The following HLCS variants were observed in gnomAD, a reference collection of about 807,000 sequenced individuals.
The protein encoded by HLCS is holocarboxylase synthetase.
A neutral mutation model predicts 75.0 loss-of-function variants in HLCS; 53 were observed. The ratio of observed to expected loss-of-function variants is 0.71; its 90% CI spans 0.57 to 0.89. HLCS has a LOEUF of 0.89. Among genes scored for constraint, HLCS ranks in the 40% least tolerant of loss-of-function variants. The pLI is 0.00. For synonymous variants in HLCS, 431 were observed against 428.6 expected, an observed-to-expected ratio of 1.01 and a Z score of -0.07; for missense variants, 966 against 1,074.0, an observed-to-expected ratio of 0.90 and a Z score of 1.41.
At chr21:36,843,276 A>G (rs2062677582) in intron 6 of HLCS, among the ~76,000 whole-genome samples, 1 of 152,022 alleles carries the variant, frequency 6.6e-6, no homozygotes, top group African/African-American at 2.4e-5. Context: ...CTGTCTCCAC[A>G]AAAAATAAAA....
chr21:36,957,954 G>A (rs1601878142), intron 2 of HLCS, among the ~76,000 whole-genome samples: 1 of 150,072 alleles, frequency 6.7e-6, no homozygotes, highest in Non-Finnish European at 1.5e-5. Context: ...GAGGCCGGGC[G>A]CGGTGGCTCA....
chr21:36,794,816 T>G (rs981421829), intron 6 of HLCS, among the ~76,000 whole-genome samples: 1 of 152,014 alleles, frequency 6.6e-6, no homozygotes, highest in Non-Finnish European at 1.5e-5. Flanking sequence ...GAAAGGAAGA[T>G]GGAGTCAAGG....
Position 36,842,162 on chromosome 21 carries a change from T to C in HLCS, c.1892+54698A>G, listed in dbSNP as rs1281872302. ...TATGGCAATGAGAATGAACAAACTA[T>C]AGCAACAACACAGATGACAAGTCAG... On this transcript the variant is annotated intron_variant, in intron 6 of 10. Coordinates refer to ENST00000674895, the MANE Select transcript of HLCS (RefSeq NM_001352514.2). The surrounding 1 kb of genome is among the most constrained non-coding windows in gnomAD (Gnocchi z 4.2). Among the ~76,000 whole-genome samples the C allele has an allele frequency of 2.6e-5, 4 of 152,146 alleles. No homozygotes were observed. The highest frequency in any genetic ancestry group is 9.7e-5 in the African/African-American group (4 of 41,426).
intron 1 of HLCS, among the ~76,000 whole-genome samples, chr21:36,976,480 A>T (rs2068942172): frequency 6.6e-6 from 1 of 152,136 alleles, no homozygotes; most frequent in Admixed American, 6.5e-5. Context: ...GCTACTCGGG[A>T]GGCTGAGGCA....
At chr21:36,892,790 T>C (rs1400193129) in intron 6 of HLCS, among the ~76,000 whole-genome samples, 2 of 152,224 alleles carry the variant, frequency 1.3e-5, no homozygotes, top group Non-Finnish European at 2.9e-5. Flanking sequence ...GTAAATCATA[T>C]GATCAAGATC....
At chr21:36,949,317 G>A (rs959116485) in intron 2 of HLCS, among the ~76,000 whole-genome samples, 1 of 152,242 alleles carries the variant, frequency 6.6e-6, no homozygotes, top group Non-Finnish European at 1.5e-5. Flanking sequence ...CTACTTTCAA[G>A]ATGCCTCTGT....
chr21:36,872,880 T>C (rs1263276631), intron 6 of HLCS, among the ~76,000 whole-genome samples: 1 of 152,182 alleles, frequency 6.6e-6, no homozygotes, highest in Non-Finnish European at 1.5e-5. Context: ...ATGTGTGCTT[T>C]TATTTAAAAA....
chr21:36,880,996 A>G (rs2064188476), intron 6 of HLCS, among the ~76,000 whole-genome samples: 1 of 151,566 alleles, frequency 6.6e-6, no homozygotes, highest in African/African-American at 2.4e-5. Context: ...GTTTTGAGAT[A>G]GAGTCTCACT....
chr21:36,893,813 C>T (rs1173064369), intron 6 of HLCS, among the ~76,000 whole-genome samples: 4 of 152,160 alleles, frequency 2.6e-5, no homozygotes, highest in African/African-American at 7.2e-5. Context: ...GCCCGGGGGT[C>T]GGGGATCCCT....
In HLCS at chr21:36,749,947, G is replaced by A. The variant is rs1333579451; in HGVS notation, c.*4299C>T. 3.3e-5 allele frequency: 5 copies of A among 152,226 alleles called. No homozygotes were observed. The highest frequency in any genetic ancestry group is 5.9e-5 in the Non-Finnish European group (4 of 68,034). The allele number at this position is 152,226 out of a possible 1,614,324, so 9.4% of individuals were successfully genotyped here. On this transcript the variant is annotated 3_prime_UTR_variant, in exon 11 of 11. Coordinates refer to ENST00000674895, the MANE Select transcript of HLCS (RefSeq NM_001352514.2). The stretch of plus-strand genomic sequence containing the variant: ...AACGTGGACAGGCGTAACAGAGTGT[G>A]TATGTACTTGAAAATGTGTACTAGT...
intron 5 of HLCS, among the ~76,000 whole-genome samples, chr21:36,899,089 T>A (rs80192854): frequency 8.1e-4 from 124 of 152,166 alleles, no homozygotes; most frequent in Non-Finnish European, 1.6e-3. Context: ...TGTGGTGACA[T>A]AGGAAAAGTC....
At chr21:36,971,496 G>T (rs1053481165), upstream of HLCS, among the ~76,000 whole-genome samples, 8 of 152,150 alleles carry the variant, frequency 5.3e-5, no homozygotes, top group African/African-American at 1.9e-4. Context: ...GACGATTTGA[G>T]TATCAAATTG....
chr21:36,775,553 C>G (rs1196649566), intron 6 of HLCS, among the ~76,000 whole-genome samples: 1 of 152,250 alleles, frequency 6.6e-6, no homozygotes, highest in African/African-American at 2.4e-5. Context: ...GATGGCAGAT[C>G]CCTGCCTCTG....
intron 2 of HLCS, among the ~76,000 whole-genome samples, chr21:36,945,209 G>A (rs914626008): frequency 4.0e-5 from 6 of 150,132 alleles, no homozygotes; most frequent in African/African-American, 1.5e-4. Context: ...GTGACTACAG[G>A]TTTTTTTTTG....
chr21:36,755,023 T>C (rs944850895), intron 10 of HLCS, among the ~76,000 whole-genome samples: 2 of 152,186 alleles, frequency 1.3e-5, no homozygotes, highest in Admixed American at 1.3e-4. Context: ...TCACACCAAA[T>C]GAAAATATTT....
intron 6 of HLCS, among the ~76,000 whole-genome samples, chr21:36,802,173 C>A (rs1238489742): frequency 6.6e-6 from 1 of 152,166 alleles, no homozygotes; most frequent in African/African-American, 2.4e-5. Flanking sequence ...CTCCTCCAAG[C>A]AGTGACTGAG....
At chr21:36,848,272 T>TG (rs1457114078) in intron 6 of HLCS, among the ~76,000 whole-genome samples, 52 of 65,024 alleles carry the variant, frequency 8.0e-4, no homozygotes, top group African/African-American at 4.7e-3. Flanking sequence ...ATAATTGTTG[T>TG]TTTTTTTTTT....
intron 6 of HLCS, among the ~76,000 whole-genome samples, chr21:36,878,334 C>T (rs2064066441): frequency 6.6e-6 from 1 of 152,112 alleles, no homozygotes; most frequent in South Asian, 2.1e-4. Flanking sequence ...GATAAAATTA[C>T]ATTCTCTGTG....
intron 8 of HLCS, among the ~76,000 whole-genome samples, chr21:36,762,179 A>G (rs1467598763): frequency 1.3e-5 from 2 of 152,240 alleles, no homozygotes; most frequent in Non-Finnish European, 2.9e-5. Context: ...GAACAGGTGC[A>G]CACATCACTC....
Sources: gnomAD v4.1 joint callset for allele counts (sites outside exome capture counted in the v4.1 genomes callset) on GRCh38, gnomAD v4.1.1 for gene constraint, Gnocchi (gnomAD v3.1) non-coding constraint, MANE v1.5 for transcripts, NCBI Gene and HGNC (gene_info 2026-07-23, HGNC 2026-07-21) for gene names.